The following HACL1 variants were observed in gnomAD, a reference collection of about 807,000 sequenced individuals.
The protein encoded by HACL1 is 1600020H07Rik.
HACL1 carries 64 observed loss-of-function variants against 74.2 expected under a neutral mutation model. The ratio of observed to expected loss-of-function variants is 0.86; its 90% CI spans 0.70 to 1.06. The LOEUF (loss-of-function observed/expected upper bound fraction) is 1.06. Ranked by LOEUF, HACL1 falls within the 50% of genes least tolerant of loss-of-function variation. The pLI is 0.00. For synonymous variants in HACL1, 230 were observed against 238.8 expected, an observed-to-expected ratio of 0.96 and a Z score of 0.34; for missense variants, 728 against 719.7, an observed-to-expected ratio of 1.01 and a Z score of -0.13.
intron 3 of HACL1, among the ~76,000 whole-genome samples, chr3:15,592,332 T>C (rs1198538213): frequency 4.3e-5 from 6 of 140,444 alleles, no homozygotes; most frequent in Non-Finnish European, 8.9e-5. Flanking sequence ...GTATATATAC[T>C]CTGGGCACCA....
Position 15,560,804 on chromosome 3 carries a change from GA to G in HACL1, c.*60del. On this transcript the variant is annotated 3_prime_UTR_variant, in exon 17 of 17. Transcript: ENST00000321169. ...TTAACAGTAGAGTAATTTTGCTGTG[GA>G]AAATAAAATTTCATCTTGCAAGAAA... 1 of 1,143,488 alleles carries G rather than the reference GA, an allele frequency of 8.7e-7. No individual in the cohort carries two copies. Among genetic ancestry groups the G allele is most frequent in the Non-Finnish European group, 1.3e-6 (1 of 764,310 alleles). The allele number at this position is 1,143,488 out of a possible 1,614,324, so 70.8% of individuals were successfully genotyped here. A position where few individuals can be genotyped will look rare whatever the true frequency, so the allele number is the denominator to read the frequency against.
chr3:15,589,600 C>T lies in HACL1; in HGVS notation c.321G>A (p.Val107=). 6.2e-7 allele frequency: 1 copy of T among 1,606,424 alleles called. No homozygotes were observed. Among genetic ancestry groups the T allele is most frequent in the Non-Finnish European group, 8.5e-7 (1 of 1,173,108 alleles). ...NANMNCWPLL[V]IGGSSERNQE... Reference sequence around the variant, plus strand: ...GGTTTCTTTCAGAGGAACCACCAATCACAAGCAAGGGCCTGAAACAATCAT... The same window carrying T: ...GGTTTCTTTCAGAGGAACCACCAATTACAAGCAAGGGCCTGAAACAATCAT... Residue 107 remains valine (V), a synonymous_variant, in exon 5 of 17, where the codon GTG becomes GTA. Coordinates refer to ENST00000321169, the MANE Select transcript of HACL1 (RefSeq NM_012260.4).
rs763021809 is a variant in HACL1 at position 15,568,486 on chromosome 3, G to A, written c.1196C>T (p.Ala399Val). 2 of 1,604,296 alleles carry A rather than the reference G, an allele frequency of 1.2e-6. No homozygotes were observed. Among genetic ancestry groups the A allele is most frequent in the Non-Finnish European group, 8.5e-7 (1 of 1,171,200 alleles). The change falls in exon 13 of 17, where the codon GCA (alanine) becomes GTA (valine). Residue 399 changes from alanine to valine, a missense_variant. Coordinates refer to ENST00000321169, the MANE Select transcript of HACL1 (RefSeq NM_012260.4). ...PRDCFVVSEG[A>V]NTMDIGRTVL... ...AGTCCGTCCAATGTCCATAGTATTTGCTCCTTCACTTACCACGAAACAGTC... is the reference window on the plus strand; with the variant it reads ...AGTCCGTCCAATGTCCATAGTATTTACTCCTTCACTTACCACGAAACAGTC...
Position 15,582,870 on chromosome 3 carries a change from A to C in HACL1, c.667+7T>G. 1 of 1,434,010 alleles carries C rather than the reference A, an allele frequency of 7.0e-7. No homozygotes were observed. The highest frequency in any genetic ancestry group is 1.2e-5 in the South Asian group (1 of 86,788). 88.8% of individuals were successfully genotyped at this position (1,434,010 alleles called of 1,614,324 possible). A position where few individuals can be genotyped will look rare whatever the true frequency, so the allele number is the denominator to read the frequency against. On this transcript the variant is annotated splice_region_variant and intron_variant, in intron 8 of 16. Transcript: ENST00000321169. ...CCTAGCAAGATTTAGAGTTCTATTC[A>C]TGCTACCTTTCCCGATGATAAGAAG...
In HACL1 at chr3:15,560,723, A is replaced by G; in HGVS notation, c.*142T>C. The stretch of plus-strand genomic sequence containing the variant: ...CTTTTTCTAACTTTTTCTGTTTTTA[A>G]TCAATTCCTTTACTGTAAAATGTCA... On this transcript the variant is annotated 3_prime_UTR_variant, in exon 17 of 17. Coordinates refer to ENST00000321169, the MANE Select transcript of HACL1 (RefSeq NM_012260.4). 1.5e-6 allele frequency: 1 copy of G among 672,214 alleles called. No homozygotes were observed. 41.6% of individuals were successfully genotyped at this position (672,214 alleles called of 1,614,324 possible). A position where few individuals can be genotyped will look rare whatever the true frequency, so the allele number is the denominator to read the frequency against.
intron 12 of HACL1, among the ~76,000 whole-genome samples, chr3:15,569,504 T>C (rs982098037): frequency 5.2e-4 from 78 of 150,914 alleles, no homozygotes; most frequent in Non-Finnish European, 1.8e-4. Flanking sequence ...GCCAACATGG[T>C]GAAATCCTGT....
In HACL1 at chr3:15,589,573, T is replaced by C; in HGVS notation, c.348A>G (p.Gln116=). 2.5e-6 allele frequency: 4 copies of C among 1,611,496 alleles called. No homozygotes were observed. The highest frequency in any genetic ancestry group is 3.4e-6 in the Non-Finnish European group (4 of 1,177,778). Residue 116 remains glutamine (Q), a synonymous_variant, in exon 5 of 17, where the codon CAA becomes CAG. Transcript: ENST00000321169. ...LVIGGSSERN[Q]ETMGAFQEFP... ...ACTCCTGGAAAGCTCCCATTGTTTC[T>C]TGGTTTCTTTCAGAGGAACCACCAA...
intron 2 of HACL1, among the ~76,000 whole-genome samples, chr3:15,599,087 T>A (rs930222765): frequency 6.6e-6 from 1 of 152,222 alleles, no homozygotes. Context: ...TCATCTCCTG[T>A]GGGAAGCTGA....
chr3:15,571,776 A>C lies in HACL1; in HGVS notation c.994-7T>G, dbSNP rs1226076999. Reference sequence around the variant, plus strand: ...TATCAAGTTCCTCTAAAAGCTTAAAAAAAAAAAAACACACACACACAAACA... The same window carrying C: ...TATCAAGTTCCTCTAAAAGCTTAAACAAAAAAAAACACACACACACAAACA... On this transcript the variant is annotated splice_polypyrimidine_tract_variant and splice_region_variant and intron_variant, in intron 11 of 16. Coordinates refer to ENST00000321169, the MANE Select transcript of HACL1 (RefSeq NM_012260.4). 2.9e-6 allele frequency: 3 copies of C among 1,018,548 alleles called. No individual in the cohort carries two copies. The African/African-American group carries it at 4.9e-5, about 17-fold the overall frequency. The allele number at this position is 1,018,548 out of a possible 1,614,324, so 63.1% of individuals were successfully genotyped here. A position where few individuals can be genotyped will look rare whatever the true frequency, so the allele number is the denominator to read the frequency against.
At chr3:15,576,658 A>C (rs546480507) in intron 9 of HACL1, among the ~76,000 whole-genome samples, 1 of 152,040 alleles carries the variant, frequency 6.6e-6, no homozygotes, top group South Asian at 2.1e-4. Context: ...TTTCCAGGAG[A>C]GTTTATTATC....
chr3:15,596,480 T>C (rs2064067976), intron 2 of HACL1, 56 bp from the exon 3 acceptor site: 2 of 973,976 alleles, frequency 2.1e-6, no homozygotes, highest in East Asian at 2.4e-5. Context: ...AGTACATTTA[T>C]GACAGCAACT....
chr3:15,593,495 A>T (rs760656505), intron 3 of HACL1, among the ~76,000 whole-genome samples: 2 of 152,152 alleles, frequency 1.3e-5, no homozygotes, highest in African/African-American at 2.4e-5. Context: ...CTGGGATTAC[A>T]GGCATAAGCC....
At position 15,580,295 on chromosome 3, in the gene HACL1, T is replaced by A. The variant is rs73148175; in HGVS notation, c.668-250A>T. On this transcript the variant is annotated intron_variant, in intron 8 of 16. Transcript: ENST00000321169. ...GACACACATCACCACCGCACTCAGC[T>A]ACTTTTAAAATTTTCTGTATAGACG... Among the ~76,000 whole-genome samples, 800 of 152,208 alleles carry A rather than the reference T, an allele frequency of 5.3e-3. 10 individuals are homozygous for A. Among genetic ancestry groups the A allele is most frequent in the African/African-American group, 0.016 (653 of 41,528 alleles).
At chr3:15,591,368 T>G (rs1402357402) in intron 4 of HACL1, among the ~76,000 whole-genome samples, 1 of 152,132 alleles carries the variant, frequency 6.6e-6, no homozygotes, top group Non-Finnish European at 1.5e-5. Flanking sequence ...GTACATTAGA[T>G]CTCCAGGCTT....
At chr3:15,589,962 G>A (rs566986452) in intron 4 of HACL1, among the ~76,000 whole-genome samples, 72 of 152,176 alleles carry the variant, frequency 4.7e-4, no homozygotes, top group African/African-American at 1.5e-3. Context: ...TTGAACCTGG[G>A]AAGCAGAGGT....
In HACL1 at chr3:15,573,148, A is replaced by G. The variant is rs780732658; in HGVS notation, c.993+11T>C. The G allele has an allele frequency of 6.5e-6, 10 of 1,527,230 alleles. No homozygotes were observed. The highest frequency in any genetic ancestry group is 2.3e-5 in the East Asian group (1 of 44,402). The allele number at this position is 1,527,230 out of a possible 1,614,324, so 94.6% of individuals were successfully genotyped here. A position where few individuals can be genotyped will look rare whatever the true frequency, so the allele number is the denominator to read the frequency against. On this transcript the variant is annotated intron_variant, in intron 11 of 16. Coordinates refer to ENST00000321169, the MANE Select transcript of HACL1 (RefSeq NM_012260.4). ...TAAGCACTCCACATAAACTAAAACAAAAGTTCTCACCTGCTTAGTGACAGC... is the reference window on the plus strand; with the variant it reads ...TAAGCACTCCACATAAACTAAAACAGAAGTTCTCACCTGCTTAGTGACAGC...
intron 10 of HACL1, among the ~76,000 whole-genome samples, chr3:15,573,538 A>T (rs775626778): frequency 6.6e-6 from 1 of 152,242 alleles, no homozygotes; most frequent in Non-Finnish European, 1.5e-5. Flanking sequence ...TTTTGCATCT[A>T]ATCAGTAAGT....
rs773419972 is a variant in HACL1, at chr3:15,579,909, C to A, written c.803+1G>T. 1.3e-6 allele frequency: 2 copies of A among 1,580,454 alleles called. No individual in the cohort carries two copies. The highest frequency in any genetic ancestry group is 2.7e-5 in the African/African-American group (2 of 72,960). On this transcript the variant is annotated splice_donor_variant, in intron 9 of 16. Coordinates refer to ENST00000321169, the MANE Select transcript of HACL1 (RefSeq NM_012260.4). LOFTEE classifies it high-confidence loss of function. ...TATTTAAAATCTGGAATGCCACACA[C>A]CTGGATCTGGCTGCACCTACACAGT...
intron 7 of HACL1, among the ~76,000 whole-genome samples, chr3:15,584,915 AC>A (rs1401356710): frequency 6.6e-5 from 10 of 152,156 alleles, no homozygotes; most frequent in African/African-American, 2.4e-4. Context: ...TTTAATAATC[AC>A]CCAACCTCTT....
Sources: allele counts gnomAD v4.1 joint callset (sites outside exome capture counted in the v4.1 genomes callset), GRCh38; gene constraint gnomAD v4.1.1; transcripts MANE v1.5; gene names NCBI Gene and HGNC (gene_info 2026-07-23, HGNC 2026-07-21).